The following PDE4D variants were observed in gnomAD, a reference collection of about 807,000 sequenced individuals.
PDE4D encodes the protein phosphodiesterase 4D, also known as 3',5'-cyclic-AMP phosphodiesterase 4D.
Under a neutral mutation model 87.4 loss-of-function variants are expected in PDE4D, and 24 were observed. That is an observed-to-expected ratio of 0.27 (90% CI 0.20 to 0.39). PDE4D has a LOEUF of 0.39. Among genes scored for constraint, PDE4D ranks in the 10% least tolerant of loss-of-function variants. PDE4D has a pLI of 1.00. For synonymous variants in PDE4D, 384 were observed against 383.2 expected (o/e 1.00, Z -0.02); for missense variants, 714 against 1,041.0 (o/e 0.69, Z 4.32).
chr5:59,804,187 C>G (rs1295051201), intron 1 of PDE4D, among the ~76,000 whole-genome samples: 1 of 152,178 alleles, frequency 6.6e-6, no homozygotes, highest in African/African-American at 2.4e-5. Context: ...CTCCCAATCT[C>G]TCCCCCATCC....
chr5:59,086,826 A>T (rs1767780132), intron 5 of PDE4D, among the ~76,000 whole-genome samples: 1 of 152,092 alleles, frequency 6.6e-6, no homozygotes, highest in Non-Finnish European at 1.5e-5. Flanking sequence ...TTTACTCTAT[A>T]AATAACTATT....
chr5:60,362,450 T>C (rs867500855), intron 1 of PDE4D, among the ~76,000 whole-genome samples: 68 of 152,246 alleles, frequency 4.5e-4, no homozygotes, highest in African/African-American at 1.6e-3. Flanking sequence ...ACAATAAGGA[T>C]GATGATTGAT....
intron 1 of PDE4D, among the ~76,000 whole-genome samples, chr5:60,503,641 T>C (rs1427249935): frequency 1.3e-5 from 2 of 152,198 alleles, no homozygotes; most frequent in Non-Finnish European, 2.9e-5. Context: ...GTCAAGGCAT[T>C]ATTAAATGCC....
chr5:59,562,616 T>A (rs1820218194), intron 1 of PDE4D, among the ~76,000 whole-genome samples: 1 of 152,222 alleles, frequency 6.6e-6, no homozygotes, highest in Non-Finnish European at 1.5e-5. Flanking sequence ...TTTCCGTCTC[T>A]TTGTCACTCA....
intron 1 of PDE4D, among the ~76,000 whole-genome samples, chr5:59,441,775 C>T (rs141996384): frequency 2.1e-3 from 326 of 152,322 alleles, no homozygotes; most frequent in Non-Finnish European, 3.5e-3. Context: ...CTTGAAATTG[C>T]AGTCATTTTT....
Position 59,314,996 on chromosome 5 carries a change from T to TG in PDE4D, c.456-99029dup, listed in dbSNP as rs1169333069. On this transcript the variant is annotated intron_variant, in intron 1 of 14. Transcript: ENST00000340635. Reference sequence around the variant, plus strand: ...AGCTACCAGGAAGTTCATGCCTTGTTGGGGGGAAAGAGCCTGGGAACTTTA... The same window carrying TG: ...AGCTACCAGGAAGTTCATGCCTTGTTGGGGGGGAAAGAGCCTGGGAACTTTA... 3.9e-5 allele frequency among the ~76,000 whole-genome samples: 6 copies of TG among 152,098 alleles called. 1 individual carries two copies. The highest frequency in any genetic ancestry group is 3.3e-4 in the Admixed American group (5 of 15,256).
At chr5:59,286,760 A>G (rs1044663190) in intron 1 of PDE4D, among the ~76,000 whole-genome samples, 3 of 152,184 alleles carry the variant, frequency 2.0e-5, no homozygotes, top group Non-Finnish European at 4.4e-5. Flanking sequence ...TGTATTCTCT[A>G]TGGACTTACC....
At position 60,179,995 on chromosome 5, in the gene PDE4D, T is replaced by C. The variant is rs373628337; in HGVS notation, c.42+5562A>G. Among the ~76,000 whole-genome samples the C allele has an allele frequency of 9.8e-5, 15 of 152,338 alleles. 5 individuals carry two copies. The highest frequency in any genetic ancestry group is 6.5e-5 in the Admixed American group (1 of 15,308). ...AACAAGATTTCTCTCCATTTTTTTG[T>C]ATCTGTGGTGTTTACACTGGTAAGT... On this transcript the variant is annotated intron_variant, in intron 2 of 16. Transcript: ENST00000502484.
intron 2 of PDE4D, among the ~76,000 whole-genome samples, chr5:60,043,421 A>T (rs1408251620): frequency 1.3e-5 from 2 of 152,214 alleles, no homozygotes; most frequent in African/African-American, 2.4e-5. Context: ...ACAGGCCAAC[A>T]TTCAAATTCA....
chr5:60,481,167 C>A (rs1381209262), intron 1 of PDE4D, among the ~76,000 whole-genome samples: 1 of 152,002 alleles, frequency 6.6e-6, no homozygotes. Context: ...GTTAAAATAG[C>A]TGAGTTTATT....
chr5:59,457,456 G>A (rs1298024680), intron 1 of PDE4D, among the ~76,000 whole-genome samples: 6 of 152,190 alleles, frequency 3.9e-5, no homozygotes, highest in African/African-American at 1.2e-4. Context: ...CAAAATGTGT[G>A]TGACTCACTT....
At chr5:59,920,825 A>G (rs1162917518) in intron 3 of PDE4D, among the ~76,000 whole-genome samples, 7 of 142,066 alleles carry the variant, frequency 4.9e-5, no homozygotes, top group Non-Finnish European at 9.2e-5. Flanking sequence ...ACACTTGGAC[A>G]CAGGAAGGGG....
intron 1 of PDE4D, among the ~76,000 whole-genome samples, chr5:59,478,335 A>G (rs185673560): frequency 6.6e-6 from 1 of 152,136 alleles, no homozygotes; most frequent in Non-Finnish European, 1.5e-5. Context: ...AAGAATTTGT[A>G]TGAGCACGGA....
chr5:59,764,258 A>G (rs1284179562), intron 1 of PDE4D, among the ~76,000 whole-genome samples: 1 of 152,200 alleles, frequency 6.6e-6, no homozygotes, highest in Non-Finnish European at 1.5e-5. Flanking sequence ...ATGGGCACAG[A>G]GTACATAATA....
rs542845597 is a variant in PDE4D at position 59,301,089 on chromosome 5, C to A, written c.456-85121G>T. ...AAGTGTTCAGCTATGTGGAAGCTCA[C>A]TGAACCCTGTCCTTCTGGGATTTTA... On this transcript the variant is annotated intron_variant, in intron 1 of 14. Coordinates refer to ENST00000340635, the MANE Select transcript of PDE4D (RefSeq NM_001104631.2). Among the ~76,000 whole-genome samples, 33 of 152,244 alleles carry A rather than the reference C, an allele frequency of 2.2e-4. 1 individual carries two copies. The South Asian group carries it at 5.8e-3, about 27-fold the overall frequency.
chr5:60,438,370 C>T (rs968786353), intron 1 of PDE4D, among the ~76,000 whole-genome samples: 1 of 152,124 alleles, frequency 6.6e-6, no homozygotes, highest in Non-Finnish European at 1.5e-5. Context: ...TAAACCCTTA[C>T]TCTGCTTTAT....
At chr5:60,152,436 G>A (rs1781590792) in intron 2 of PDE4D, among the ~76,000 whole-genome samples, 6 of 152,104 alleles carry the variant, frequency 3.9e-5, no homozygotes, top group Non-Finnish European at 7.4e-5. Flanking sequence ...GGCAGATCAC[G>A]AGGTCAGGAG....
chr5:59,367,420 T>C (rs1483304249), intron 1 of PDE4D, among the ~76,000 whole-genome samples: 1 of 152,166 alleles, frequency 6.6e-6, no homozygotes, highest in Admixed American at 6.5e-5. Context: ...TTTTCTACAA[T>C]AAATAAAGAT....
At chr5:59,693,056 G>C (rs1751224066) in intron 1 of PDE4D, among the ~76,000 whole-genome samples, 2 of 152,082 alleles carry the variant, frequency 1.3e-5, no homozygotes, top group African/African-American at 4.8e-5. Flanking sequence ...AAGCTGACAG[G>C]GTTGAGAATA....
Sources: allele counts gnomAD v4.1 joint callset (sites outside exome capture counted in the v4.1 genomes callset), GRCh38; gene constraint gnomAD v4.1.1; transcripts MANE v1.5; gene names NCBI Gene and HGNC (gene_info 2026-07-23, HGNC 2026-07-21).